MSI2: variants seen among roughly 807,000 people sequenced by gnomAD.
The protein encoded by MSI2 is RNA-binding protein Musashi homolog 2.
A neutral mutation model predicts 45.6 loss-of-function variants in MSI2; 17 were observed. The ratio of observed to expected loss-of-function variants is 0.37; its 90% CI spans 0.26 to 0.56. MSI2 has a LOEUF of 0.56. MSI2 is among the 20% of genes least tolerant of loss of function. The probability of loss-of-function intolerance (pLI) is 0.77; values close to 1 mark genes in which losing one functional copy is unlikely to be tolerated. For missense variants in MSI2, 293 were observed against 444.2 expected (o/e 0.66, Z 3.06); for synonymous variants, 156 against 158.2 (o/e 0.99, Z 0.11).
At chr17:57,549,155 G>A (rs561429609) in intron 7 of MSI2, among the ~76,000 whole-genome samples, 8 of 152,142 alleles carry the variant, frequency 5.3e-5, no homozygotes, top group East Asian at 3.9e-4. Context: ...GATTACAGGC[G>A]TGAGCCGCCG....
At chr17:57,439,637 C>A (rs2084759965) in intron 6 of MSI2, among the ~76,000 whole-genome samples, 1 of 151,470 alleles carries the variant, frequency 6.6e-6, no homozygotes, top group Non-Finnish European at 1.5e-5. Flanking sequence ...TGGCTCACTG[C>A]AACCTCTGCC....
intron 7 of MSI2, among the ~76,000 whole-genome samples, chr17:57,535,434 G>C (rs887168966): frequency 5.3e-5 from 8 of 152,246 alleles, no homozygotes; most frequent in African/African-American, 1.9e-4. Flanking sequence ...GGACATCCCT[G>C]TGGCCTTCAT....
At chr17:57,464,620 G>A (rs2085296712) in intron 6 of MSI2, among the ~76,000 whole-genome samples, 1 of 152,164 alleles carries the variant, frequency 6.6e-6, no homozygotes, top group Non-Finnish European at 1.5e-5. Flanking sequence ...GGGTGTGGGT[G>A]TGGGCCAGCC....
intron 6 of MSI2, among the ~76,000 whole-genome samples, chr17:57,412,100 C>T (rs574043795): frequency 2.0e-5 from 3 of 152,010 alleles, no homozygotes; most frequent in Admixed American, 6.5e-5. Flanking sequence ...TATAGTGGCG[C>T]GACCTCAGCT....
At chr17:57,507,167 G>C (rs1352106357) in intron 6 of MSI2, among the ~76,000 whole-genome samples, 5 of 53,932 alleles carry the variant, frequency 9.3e-5, no homozygotes, top group African/African-American at 2.4e-4. Context: ...CTGTTTCTCT[G>C]TGTGTGTTGG....
chr17:57,399,850 C>T (rs1182909180), intron 5 of MSI2, among the ~76,000 whole-genome samples: 2 of 152,216 alleles, frequency 1.3e-5, no homozygotes, highest in Non-Finnish European at 2.9e-5. Context: ...GACCCAGGAG[C>T]TGGATTTCCA....
At chr17:57,346,929 C>T (rs1389154310) in intron 5 of MSI2, among the ~76,000 whole-genome samples, 1 of 152,118 alleles carries the variant, frequency 6.6e-6, no homozygotes, top group African/African-American at 2.4e-5. Context: ...TTTTACAAAA[C>T]CTAAACAGAA....
intron 13 of MSI2, 147 bp from the exon 14 acceptor site, chr17:57,679,402 G>A (rs528095818): frequency 7.9e-5 from 19 of 240,948 alleles, no homozygotes; most frequent in Non-Finnish European, 1.2e-4. Context: ...ATTCTCGTGC[G>A]TATTCAATAG....
intron 7 of MSI2, among the ~76,000 whole-genome samples, chr17:57,564,883 C>T (rs1264052037): frequency 6.6e-6 from 1 of 152,180 alleles, no homozygotes; most frequent in Admixed American, 6.5e-5. Context: ...TGGACAGTAC[C>T]TCTTGGCGCA....
chr17:57,432,810 G>A (rs1001474799), intron 6 of MSI2, among the ~76,000 whole-genome samples: 3 of 152,156 alleles, frequency 2.0e-5, no homozygotes, highest in Non-Finnish European at 4.4e-5. Context: ...TCTGCTAAGC[G>A]ATTCCTGTGT....
intron 6 of MSI2, among the ~76,000 whole-genome samples, chr17:57,527,463 T>G (rs1306008554): frequency 2.2e-5 from 1 of 45,116 alleles, no homozygotes; most frequent in East Asian, 1.8e-3. Context: ...CAGGTTACCG[T>G]CGGCGGGGGC....
intron 6 of MSI2, among the ~76,000 whole-genome samples, chr17:57,507,724 A>G (rs980952833): frequency 1.3e-5 from 2 of 151,888 alleles, no homozygotes; most frequent in Admixed American, 1.3e-4. Context: ...AGGGCCTTCC[A>G]TGGTGACTTC....
rs1266896264 is a variant in MSI2 at position 57,407,899 on chromosome 17, A to AAAG, written c.405+6428_405+6429insAAG. ...GTGTGTCATAAGGGGAGGGGACTTTATTTGCCCCCTGACCCCTGGCCAAGC... is the reference window on the plus strand; with the variant it reads ...GTGTGTCATAAGGGGAGGGGACTTTAAAGTTTGCCCCCTGACCCCTGGCCAAGC... On this transcript the variant is annotated intron_variant, in intron 6 of 13. Coordinates refer to ENST00000284073, the MANE Select transcript of MSI2 (RefSeq NM_138962.4). This position sits in a 1 kb window ranked among gnomAD's most constrained non-coding sequence, Gnocchi z 4.1. 1.3e-3 allele frequency among the ~76,000 whole-genome samples: 205 copies of AAAG among 152,178 alleles called. 2 individuals are homozygous for AAAG. The highest frequency in any genetic ancestry group is 3.2e-3 in the Admixed American group (49 of 15,286).
intron 6 of MSI2, among the ~76,000 whole-genome samples, chr17:57,433,574 A>G (rs1456939866): frequency 2.6e-5 from 4 of 152,208 alleles, no homozygotes; most frequent in Non-Finnish European, 5.9e-5. Context: ...ACCTGGTTGC[A>G]GGACTTTGTT....
At chr17:57,653,319 G>T (rs1437683394) in intron 11 of MSI2, among the ~76,000 whole-genome samples, 1 of 152,314 alleles carries the variant, frequency 6.6e-6, no homozygotes, top group South Asian at 2.1e-4. Flanking sequence ...TTTGGAGGGG[G>T]CTAGGGAGTT....
chr17:57,417,127 G>GCTGTT (rs2143254666), intron 6 of MSI2, among the ~76,000 whole-genome samples: 2 of 152,308 alleles, frequency 1.3e-5, no homozygotes, highest in East Asian at 3.9e-4. Context: ...AGCTGACTCG[G>GCTGTT]CTGTTCCCTA....
At chr17:57,663,273 A>T (rs1389535597) in intron 11 of MSI2, among the ~76,000 whole-genome samples, 1 of 152,200 alleles carries the variant, frequency 6.6e-6, no homozygotes, top group Admixed American at 6.5e-5. Flanking sequence ...GCAGGGCCTC[A>T]TTTGTTTTGT....
chr17:57,475,385 A>G (rs1321868887), intron 6 of MSI2, among the ~76,000 whole-genome samples: 3 of 152,162 alleles, frequency 2.0e-5, no homozygotes, highest in Non-Finnish European at 2.9e-5. Flanking sequence ...TGCACACAAG[A>G]GAGGAGAGAA....
intron 10 of MSI2, among the ~76,000 whole-genome samples, chr17:57,644,550 A>G (rs947916257): frequency 1.3e-5 from 2 of 151,988 alleles, no homozygotes; most frequent in African/African-American, 4.8e-5. Context: ...GGTGTTTCCA[A>G]ACTCTCGTAG....
Sources: allele counts gnomAD v4.1 joint callset (sites outside exome capture counted in the v4.1 genomes callset), GRCh38; gene constraint gnomAD v4.1.1; non-coding constraint Gnocchi (gnomAD v3.1); transcripts MANE v1.5; gene names NCBI Gene and HGNC (gene_info 2026-07-23, HGNC 2026-07-21).